Variants in DYSF observed in about 807,000 individuals in gnomAD.
DYSF encodes dysferlin, also known as dystrophy-associated fer-1-like 1.
A neutral mutation model predicts 274.9 loss-of-function variants in DYSF; 212 were observed. The ratio of observed to expected loss-of-function variants is 0.77; its 90% confidence interval spans 0.69 to 0.86. DYSF has a LOEUF of 0.86. Ranked by LOEUF, DYSF falls within the 40% of genes least tolerant of loss-of-function variation. The pLI, the probability that DYSF is intolerant of heterozygous loss-of-function variation, is 0.00. For synonymous variants in DYSF, 1,091 were observed against 1,078.7 expected (o/e 1.01, Z -0.22); for missense variants, 2,666 against 2,783.2 (o/e 0.96, Z 0.95).
intron 42 of DYSF, among the ~76,000 whole-genome samples, chr2:71,647,947 C>G (rs1219282486): frequency 6.6e-6 from 1 of 152,182 alleles, no homozygotes; most frequent in Admixed American, 6.5e-5. Flanking sequence ...ACAGAAGCCT[C>G]TTAGACCTGA....
Position 71,570,285 on chromosome 2 carries a change from G to C in DYSF, c.3036G>C (p.Trp1012Cys). ...DDIECPLGWK[W>C]EDEEWSTDLN... ...TTGAGTGCCCACTGGGCTGGAAGTG[G>C]GAAGATGAGGAATGGTCCACAGACC... The change falls in exon 28 of 56, where the codon TGG becomes TGC. Residue 1012 changes from tryptophan to cysteine, a missense_variant. Trp to Cys is a radical substitution (Grantham distance 215). Coordinates refer to ENST00000410020, the MANE Select transcript of DYSF (RefSeq NM_001130987.2). 6.2e-7 allele frequency: 1 copy of C among 1,614,156 alleles called. No homozygotes were observed. The highest frequency in any genetic ancestry group is 1.1e-5 in the South Asian group (1 of 91,086).
Position 71,523,993 on chromosome 2 carries a change from A to G in DYSF, c.1150-2227A>G, listed in dbSNP as rs1042480868. ...CATTTGCCCTCAGCCTAGTTTCCCAATCCCACTTGCTGTTATGTATCTTCA... is the reference window on the plus strand; with the variant it reads ...CATTTGCCCTCAGCCTAGTTTCCCAGTCCCACTTGCTGTTATGTATCTTCA... On this transcript the variant is annotated intron_variant, in intron 12 of 55. Transcript: ENST00000410020. Among the ~76,000 whole-genome samples, 4 of 152,104 alleles carry G rather than the reference A, an allele frequency of 2.6e-5. No individual in the cohort carries two copies. The East Asian group carries it at 7.8e-4, about 29-fold the overall frequency.
In DYSF at chr2:71,674,064, C is replaced by A. The variant is rs78093329; in HGVS notation, c.5785-133C>A. The A allele has an allele frequency of 7.5e-4, 580 of 776,474 alleles. 4 individuals carry two copies. In the African/African-American group the frequency reaches 8.4e-3, roughly 11 times the overall value. The allele number at this position is 776,474 out of a possible 1,614,324, so 48.1% of individuals were successfully genotyped here. ...TGTCCTTCCCAGTCTTCCCACAGGA[C>A]CTGGCTCTGGCAGGTCCCTTGGGGA... On this transcript the variant is annotated intron_variant, in intron 51 of 55. Transcript: ENST00000410020.
intron 43 of DYSF, among the ~76,000 whole-genome samples, 196 bp downstream of exon 43, chr2:71,656,486 T>A (rs2094773573): frequency 6.6e-6 from 1 of 152,160 alleles, no homozygotes; most frequent in East Asian, 1.9e-4. Context: ...GGCTTGGTGA[T>A]CTCAGTGGTG....
At chr2:71,641,645 AT>A (rs974823380) in intron 41 of DYSF, among the ~76,000 whole-genome samples, 13 of 150,236 alleles carry the variant, frequency 8.7e-5, no homozygotes, top group Non-Finnish European at 1.5e-4. Flanking sequence ...TTAAGATAAA[AT>A]TTTTTTTTTG....
At chr2:71,506,522 C>T (rs559979298) in intron 4 of DYSF, among the ~76,000 whole-genome samples, 51 of 152,252 alleles carry the variant, frequency 3.3e-4, no homozygotes, top group Admixed American at 2.0e-3. Flanking sequence ...CTGTCAGGCG[C>T]GGGACCCGTG....
chr2:71,509,842 A>G (rs912500755), intron 4 of DYSF, among the ~76,000 whole-genome samples: 5 of 151,932 alleles, frequency 3.3e-5, no homozygotes, highest in African/African-American at 1.2e-4. Context: ...CAGTGGTGTG[A>G]TCGACTCATT....
intron 44 of DYSF, 136 bp downstream of exon 44, chr2:71,659,169 T>C: frequency 8.1e-7 from 1 of 1,238,880 alleles, no homozygotes; most frequent in Non-Finnish European, 1.2e-6. Context: ...AACTGAGAGG[T>C]GCCTGGATGG....
In DYSF at chr2:71,479,954, A is replaced by G. The variant is rs143207586; in HGVS notation, c.92-929A>G. Among the ~76,000 whole-genome samples, 29 of 152,362 alleles carry G rather than the reference A, an allele frequency of 1.9e-4. No homozygotes were observed. In the East Asian group the frequency reaches 5.2e-3, roughly 27 times the overall value. ...TTCACCATTTGAACAATTTCCACATATATAATTTAATTGGTTTTAGGTTGC... is the reference window on the plus strand; with the variant it reads ...TTCACCATTTGAACAATTTCCACATGTATAATTTAATTGGTTTTAGGTTGC... On this transcript the variant is annotated intron_variant, in intron 1 of 55. Coordinates refer to ENST00000410020, the MANE Select transcript of DYSF (RefSeq NM_001130987.2).
intron 3 of DYSF, among the ~76,000 whole-genome samples, chr2:71,489,361 C>T (rs1048690031): frequency 2.6e-5 from 4 of 152,166 alleles, no homozygotes; most frequent in Non-Finnish European, 4.4e-5. Flanking sequence ...TTTTAGGAAT[C>T]GGCGGGATGC....
At chr2:71,646,583 G>A (rs2094570831) in intron 42 of DYSF, among the ~76,000 whole-genome samples, 1 of 152,190 alleles carries the variant, frequency 6.6e-6, no homozygotes, top group South Asian at 2.1e-4. Context: ...CACAGTGGGT[G>A]CAGGAAAACA....
chr2:71,643,747 C>T (rs966173610), intron 41 of DYSF, among the ~76,000 whole-genome samples: 6 of 152,154 alleles, frequency 3.9e-5, no homozygotes, highest in African/African-American at 7.2e-5. Flanking sequence ...CTAGAGCCTC[C>T]GCCTCTCAAC....
chr2:71,484,211 C>T (rs1303373833), intron 3 of DYSF, among the ~76,000 whole-genome samples: 1 of 151,924 alleles, frequency 6.6e-6, no homozygotes, highest in East Asian at 1.9e-4. Context: ...CACCACCACA[C>T]CTGGCTAATT....
At position 71,526,295 on chromosome 2, in the gene DYSF, C is replaced by G. The variant is rs758180890; in HGVS notation, c.1225C>G (p.Arg409Gly). Residue 409 changes from arginine to glycine, a missense_variant, in exon 13 of 56, where the codon CGA becomes GGA. Coordinates refer to ENST00000410020, the MANE Select transcript of DYSF (RefSeq NM_001130987.2). The part of the protein sequence containing the change: ...NLLRPTGVAL[R>G]GAHFCLKVFR... Reference sequence around the variant, plus strand: ...GCTCCGGCCCACAGGCGTAGCCCTGCGAGGAGCCCACTTCTGCCTGAAGGT... The same window carrying G: ...GCTCCGGCCCACAGGCGTAGCCCTGGGAGGAGCCCACTTCTGCCTGAAGGT... 6.2e-7 allele frequency: 1 copy of G among 1,614,196 alleles called. No individual in the cohort carries two copies. Among genetic ancestry groups the G allele is most frequent in the Non-Finnish European group, 8.5e-7 (1 of 1,180,038 alleles).
intron 32 of DYSF, among the ~76,000 whole-genome samples, chr2:71,595,066 T>C (rs1419229110): frequency 6.6e-6 from 1 of 152,226 alleles, no homozygotes; most frequent in African/African-American, 2.4e-5. Context: ...ATCTAGCTTT[T>C]TGGTGAATCT....
intron 55 of DYSF, among the ~76,000 whole-genome samples, chr2:71,683,413 G>A (rs908227302): frequency 6.6e-6 from 1 of 152,158 alleles, no homozygotes; most frequent in Admixed American, 6.5e-5. Flanking sequence ...CAGGGAACCC[G>A]GATCACCAGG....
In DYSF at chr2:71,554,588, A is replaced by G. The variant is rs73942326; in HGVS notation, c.2109+657A>G. Among the ~76,000 whole-genome samples, 876 of 152,282 alleles carry G rather than the reference A, an allele frequency of 5.8e-3. 15 individuals are homozygous for G. Among genetic ancestry groups the G allele is most frequent in the African/African-American group, 0.02 (834 of 41,544 alleles). ...TGCAGGGACCTGGGGGAGGGTGACCAAGCCCTGGGAAGGAGATGGCCTTGG... is the reference window on the plus strand; with the variant it reads ...TGCAGGGACCTGGGGGAGGGTGACCGAGCCCTGGGAAGGAGATGGCCTTGG... On this transcript the variant is annotated intron_variant, in intron 21 of 55. Transcript: ENST00000410020.
chr2:71,575,686 C>T (rs1471809828), intron 30 of DYSF, among the ~76,000 whole-genome samples: 1 of 152,074 alleles, frequency 6.6e-6, no homozygotes, highest in East Asian at 1.9e-4. Context: ...GCCTCAGAGT[C>T]AGGGCCAGGT....
At chr2:71,620,491 C>A in intron 40 of DYSF, 56 bp from the exon 41 acceptor site, 2 of 1,536,446 alleles carry the variant, frequency 1.3e-6, no homozygotes, top group Non-Finnish European at 1.8e-6. Flanking sequence ...GACTGTCCAG[C>A]CTTCCCTAAA....
Sources: gnomAD v4.1 joint callset for allele counts (sites outside exome capture counted in the v4.1 genomes callset) on GRCh38, gnomAD v4.1.1 for gene constraint, MANE v1.5 for transcripts, NCBI Gene and HGNC (gene_info 2026-07-23, HGNC 2026-07-21) for gene names.